WDR86: variants seen among roughly 807,000 people sequenced by gnomAD.
WDR86 encodes the protein WD repeat-containing protein 86.
A neutral mutation model predicts 36.5 loss-of-function variants in WDR86; 30 were observed. That is an observed-to-expected ratio of 0.82 (90% CI 0.61 to 1.11). The LOEUF is 1.11. WDR86 is among the 50% of genes most tolerant of loss of function. The pLI, the probability that WDR86 is intolerant of heterozygous loss-of-function variation, is 0.00. For missense variants in WDR86, 545 were observed against 561.2 expected (o/e 0.97, Z 0.29); for synonymous variants, 255 against 252.9 (o/e 1.01, Z -0.08).
At chr7:151,383,260 G>A (rs1798738732) in intron 4 of WDR86, among the ~76,000 whole-genome samples, 1 of 152,038 alleles carries the variant, frequency 6.6e-6, no homozygotes, top group African/African-American at 2.4e-5. Flanking sequence ...CAGATCATGA[G>A]ATCAGGGGTT....
At chr7:151,399,525 G>A (rs1353332699) in intron 2 of WDR86, among the ~76,000 whole-genome samples, 8 of 152,228 alleles carry the variant, frequency 5.3e-5, no homozygotes, top group African/African-American at 1.9e-4. Flanking sequence ...CACCACAAGT[G>A]ACTCCAACAG....
At chr7:151,408,752 C>G (rs1333446425) in intron 1 of WDR86, 2 of 392,592 alleles carry the variant, frequency 5.1e-6, no homozygotes, top group East Asian at 1.5e-4. Flanking sequence ...GGAAGGTGCA[C>G]CCGAGGCACA....
chr7:151,381,723 G>A lies in WDR86; in HGVS notation c.990C>T (p.Thr330=), dbSNP rs1339380329. The change falls in exon 6 of 6, where the codon ACC becomes ACT. Residue 330 remains threonine, a synonymous_variant. Coordinates refer to ENST00000334493, the MANE Select transcript of WDR86 (RefSeq NM_198285.3). The surrounding 1 kb of genome is among the most constrained non-coding windows in gnomAD (Gnocchi z 4.8). The part of the protein sequence containing the change: ...CIQVHGQVLY[T]ASHDGALRLW... ...GGCGCAGGGCGCCGTCGTGCGAGGC[G>A]GTGTAGAGCACCTGGCCGTGCACCT... is the stretch of plus-strand genomic sequence containing the variant. The A allele has an allele frequency of 1.3e-6, 2 of 1,503,210 alleles. No individual in the cohort carries two copies. The highest frequency in any genetic ancestry group is 5.2e-5 in the East Asian group (2 of 38,818). 93.1% of individuals were successfully genotyped at this position (1,503,210 alleles called of 1,614,324 possible).
chr7:151,399,225 C>A (rs1055448048), intron 2 of WDR86, among the ~76,000 whole-genome samples: 5 of 152,238 alleles, frequency 3.3e-5, no homozygotes, highest in Admixed American at 2.0e-4. Context: ...TTCCTGGCTG[C>A]AGCCACCTGC....
At chr7:151,402,762 G>A (rs900849826) in intron 1 of WDR86, among the ~76,000 whole-genome samples, 1 of 152,212 alleles carries the variant, frequency 6.6e-6, no homozygotes, top group African/African-American at 2.4e-5. Context: ...CCCACCAGCT[G>A]GTTGGGACTC....
rs1217472023 is a variant in WDR86 at position 151,406,582 on chromosome 7, G to C, written c.163+2845C>G. On this transcript the variant is annotated intron_variant, in intron 1 of 5. Transcript: ENST00000334493. This position sits in a 1 kb window ranked among gnomAD's most constrained non-coding sequence, Gnocchi z 4.4. Reference sequence around the variant, plus strand: ...CACCACAGACCAGCCATGTGGTCTGGACACAACTTCCCCCACAGTGGTAAG... The same window carrying C: ...CACCACAGACCAGCCATGTGGTCTGCACACAACTTCCCCCACAGTGGTAAG... 6.6e-6 allele frequency among the ~76,000 whole-genome samples: 1 copy of C among 152,122 alleles called. No individual in the cohort carries two copies. The highest frequency in any genetic ancestry group is 1.5e-5 in the Non-Finnish European group (1 of 68,026).
At chr7:151,384,164 C>A (rs905585279) in intron 4 of WDR86, among the ~76,000 whole-genome samples, 5 of 152,250 alleles carry the variant, frequency 3.3e-5, no homozygotes, top group Admixed American at 2.0e-4. Context: ...TCTTCCCCAA[C>A]CCAGTCTCCT....
rs987262228 is a variant in WDR86 at position 151,390,225 on chromosome 7, C to T, written c.727-5002G>A. On this transcript the variant is annotated intron_variant, in intron 3 of 5. Coordinates refer to ENST00000334493, the MANE Select transcript of WDR86 (RefSeq NM_198285.3). The surrounding 1 kb of genome is among the most constrained non-coding windows in gnomAD (Gnocchi z 4.5). ...CTGGAGGGGAGGAGATGAAAAGTCCCTGGTTCAGCCCTCAACGACAGAGCT... is the reference window on the plus strand; with the variant it reads ...CTGGAGGGGAGGAGATGAAAAGTCCTTGGTTCAGCCCTCAACGACAGAGCT... Among the ~76,000 whole-genome samples the T allele has an allele frequency of 2.0e-5, 3 of 152,178 alleles. No individual in the cohort carries two copies. Among genetic ancestry groups the T allele is most frequent in the African/African-American group, 7.2e-5 (3 of 41,442 alleles).
Position 151,406,681 on chromosome 7 carries a change from C to T in WDR86, c.163+2746G>A, listed in dbSNP as rs943715404. Among the ~76,000 whole-genome samples, 6 of 152,120 alleles carry T rather than the reference C, an allele frequency of 3.9e-5. No homozygotes were observed. Among genetic ancestry groups the T allele is most frequent in the East Asian group, 1.9e-4 (1 of 5,190 alleles). On this transcript the variant is annotated intron_variant, in intron 1 of 5. Coordinates refer to ENST00000334493, the MANE Select transcript of WDR86 (RefSeq NM_198285.3). The surrounding 1 kb of genome is among the most constrained non-coding windows in gnomAD (Gnocchi z 4.4). Reference sequence around the variant, plus strand: ...CGGGACCCTGGACAAGTCCTGCCACCGCACCACGCCTCGAGGGATGTTGGC... The same window carrying T: ...CGGGACCCTGGACAAGTCCTGCCACTGCACCACGCCTCGAGGGATGTTGGC...
At chr7:151,402,091 A>ATATATATATATATATATATATATCTC (rs1365492180) in intron 1 of WDR86, among the ~76,000 whole-genome samples, 6 of 124,192 alleles carry the variant, frequency 4.8e-5, no homozygotes, top group African/African-American at 1.9e-4. Context: ...ATATATATAT[A>ATATATATATATATATATATATATCTC]TCTCCACAAA....
At chr7:151,375,814 A>G (rs1157215512), downstream of WDR86, 1 of 1,389,402 alleles carries the variant, frequency 7.2e-7, no homozygotes, top group African/African-American at 1.4e-5. Flanking sequence ...AAGAGTTCTT[A>G]GTGATGGGTA....
At chr7:151,382,025 C>A (rs777212207) in intron 4 of WDR86, 44 bp from the exon 5 acceptor site, 2 of 1,531,428 alleles carry the variant, frequency 1.3e-6, no homozygotes, top group African/African-American at 2.7e-5. Context: ...CCTGCTCGGC[C>A]CCCCGCAAGC....
intron 3 of WDR86, among the ~76,000 whole-genome samples, chr7:151,389,184 G>A (rs1429931282): frequency 1.3e-5 from 2 of 148,766 alleles, no homozygotes; most frequent in African/African-American, 5.0e-5. Context: ...TGGGAACCCT[G>A]GCCTCAAGTG....
In WDR86 at chr7:151,381,896, G is replaced by C; in HGVS notation, c.948C>G (p.Phe316Leu). The C allele has an allele frequency of 2.5e-6, 4 of 1,610,188 alleles. No homozygotes were observed. The highest frequency in any genetic ancestry group is 2.5e-6 in the Non-Finnish European group (3 of 1,178,654). ...GACCTACCTGGATGCAGTTGATGAT[G>C]AATGTGTGGCCCCGGAACACCCTCC... ...ELRRVFRGHTFIINCIQVHGQ... is the reference protein window; with the variant it reads ...ELRRVFRGHTLIINCIQVHGQ... The change falls in exon 5 of 6, where the codon TTC (phenylalanine) becomes TTG (leucine). Residue 316 changes from phenylalanine (F) to leucine (L), a missense_variant. Coordinates refer to ENST00000334493, the MANE Select transcript of WDR86 (RefSeq NM_198285.3). The surrounding 1 kb of genome is among the most constrained non-coding windows in gnomAD (Gnocchi z 4.8).
chr7:151,377,788 A>C (rs912067477), downstream of WDR86: 3 of 152,256 alleles, frequency 2.0e-5, no homozygotes, highest in Admixed American at 6.5e-5. Flanking sequence ...GGGCCACACC[A>C]GGTCGCAGCA....
chr7:151,381,468 T>TTCCTCGC lies in WDR86; in HGVS notation c.*107_*113dup, dbSNP rs1798556186. 5 of 1,487,314 alleles carry TTCCTCGC rather than the reference T, an allele frequency of 3.4e-6. No homozygotes were observed. The highest frequency in any genetic ancestry group is 2.7e-6 in the Non-Finnish European group (3 of 1,126,726). 92.1% of individuals were successfully genotyped at this position (1,487,314 alleles called of 1,614,324 possible). ...CGACGGGCTCTCCTCCCGCCCGGGC[T>TTCCTCGC]TCCTCGCTCCTCGCCCCTCGCCGGC... is the stretch of plus-strand genomic sequence containing the variant. On this transcript the variant is annotated 3_prime_UTR_variant, in exon 6 of 6. Coordinates refer to ENST00000334493, the MANE Select transcript of WDR86 (RefSeq NM_198285.3). The surrounding 1 kb of genome is among the most constrained non-coding windows in gnomAD (Gnocchi z 4.8).
rs1347618880 is a variant in WDR86 at position 151,388,167 on chromosome 7, G to T, written c.727-2944C>A. Among the ~76,000 whole-genome samples, 1 of 152,230 alleles carries T rather than the reference G, an allele frequency of 6.6e-6. No homozygotes were observed. Among genetic ancestry groups the T allele is most frequent in the Non-Finnish European group, 1.5e-5 (1 of 68,042 alleles). On this transcript the variant is annotated intron_variant, in intron 3 of 5. Transcript: ENST00000334493. The surrounding 1 kb of genome is among the most constrained non-coding windows in gnomAD (Gnocchi z 4.2). ...CTTGCTGTGGTCCCCACCACCTCGG[G>T]CTCCCAGATCCTGTAGGTCTTTCTT...
chr7:151,382,736 A>G (rs529253708), intron 4 of WDR86, among the ~76,000 whole-genome samples: 1 of 152,314 alleles, frequency 6.6e-6, no homozygotes, highest in South Asian at 2.1e-4. Flanking sequence ...GCCGACCCTG[A>G]TGCTAGGACT....
intron 1 of WDR86, among the ~76,000 whole-genome samples, chr7:151,402,047 CAAAA>C (rs71198714): frequency 4.0e-4 from 6 of 14,960 alleles, no homozygotes; most frequent in African/African-American, 1.7e-3. Context: ...AACTCTGCCT[CAAAA>C]AAAAAAAAAA....
Sources: allele counts gnomAD v4.1 joint callset (sites outside exome capture counted in the v4.1 genomes callset), GRCh38; gene constraint gnomAD v4.1.1; non-coding constraint Gnocchi (gnomAD v3.1); transcripts MANE v1.5; gene names NCBI Gene and HGNC (gene_info 2026-07-23, HGNC 2026-07-21).